Variants in ALK observed in about 807,000 individuals in gnomAD.
ALK encodes ALK tyrosine kinase receptor.
In ALK, 74 loss-of-function variants were observed where a neutral mutation model predicts 163.1. That is an observed-to-expected ratio of 0.45 (90% CI 0.38 to 0.55). The LOEUF is 0.55. Among genes scored for constraint, ALK ranks in the 20% least tolerant of loss-of-function variants. ALK has a pLI of 0.00. For missense variants in ALK, 2,063 were observed against 2,105.3 expected, an observed-to-expected ratio of 0.98 and a Z score of 0.39; for synonymous variants, 960 against 843.2, an observed-to-expected ratio of 1.14 and a Z score of -2.40.
At chr2:29,393,755 C>A (rs1669237688) in intron 4 of ALK, among the ~76,000 whole-genome samples, 1 of 152,206 alleles carries the variant, frequency 6.6e-6, no homozygotes, top group East Asian at 1.9e-4. Flanking sequence ...AGTGACACAT[C>A]TTTCTGCCCC....
chr2:29,786,633 C>A (rs1365372949), intron 1 of ALK, among the ~76,000 whole-genome samples: 1 of 152,152 alleles, frequency 6.6e-6, no homozygotes, highest in African/African-American at 2.4e-5. Flanking sequence ...ATAATGTAGT[C>A]CCCGACTGTA....
intron 4 of ALK, among the ~76,000 whole-genome samples, chr2:29,464,614 C>T (rs1211053061): frequency 6.6e-6 from 1 of 152,060 alleles, no homozygotes; most frequent in East Asian, 1.9e-4. Flanking sequence ...CCGGATGGGA[C>T]TAAAAGCAGA....
Position 29,921,439 on chromosome 2 carries a change from TC to T in ALK, c.-781del, listed in dbSNP as rs1668002447. 2.2e-5 allele frequency: 5 copies of T among 232,156 alleles called. No homozygotes were observed. The East Asian group carries it at 3.0e-4, about 14-fold the overall frequency. 14.4% of individuals were successfully genotyped at this position (232,156 alleles called of 1,614,324 possible). A position where few individuals can be genotyped will look rare whatever the true frequency, so the allele number is the denominator to read the frequency against. On this transcript the variant is annotated 5_prime_UTR_variant, in exon 1 of 29. An upstream open reading frame in the 5' UTR loses its in-frame stop. Coordinates refer to ENST00000389048, the MANE Select transcript of ALK (RefSeq NM_004304.5). ...CGCCCGAAATCTTGCCGCCCCCTCC[TC>T]ACCCATCATCAGCGCCCGCGGCTTT...
chr2:29,746,118 C>G (rs1199974790), intron 1 of ALK, among the ~76,000 whole-genome samples: 1 of 152,152 alleles, frequency 6.6e-6, no homozygotes, highest in Admixed American at 6.5e-5. Flanking sequence ...AACTGAGGTT[C>G]AGAGAAGATA....
intron 4 of ALK, among the ~76,000 whole-genome samples, chr2:29,463,399 C>T (rs909043812): frequency 1.7e-4 from 26 of 152,102 alleles, no homozygotes; most frequent in Non-Finnish European, 2.9e-5. Flanking sequence ...AAAGTCTGTT[C>T]TTTGGTTTAT....
At chr2:29,849,445 C>T (rs575677825) in intron 1 of ALK, among the ~76,000 whole-genome samples, 2 of 152,310 alleles carry the variant, frequency 1.3e-5, no homozygotes, top group South Asian at 4.1e-4. Flanking sequence ...GCGGAACATG[C>T]TGAGATGGTG....
intron 1 of ALK, among the ~76,000 whole-genome samples, chr2:29,842,172 T>C (rs1209115603): frequency 2.0e-5 from 3 of 152,070 alleles, no homozygotes; most frequent in African/African-American, 7.2e-5. Flanking sequence ...TGTAGTGTGA[T>C]AGGTTAAATA....
At chr2:29,372,162 C>CA (rs1459091796) in intron 5 of ALK, among the ~76,000 whole-genome samples, 2 of 152,202 alleles carry the variant, frequency 1.3e-5, no homozygotes, top group Admixed American at 1.3e-4. Flanking sequence ...CCTGCAGGTG[C>CA]AAACATCTAA....
chr2:29,612,235 C>T (rs1270649181), intron 3 of ALK, among the ~76,000 whole-genome samples: 1 of 152,168 alleles, frequency 6.6e-6, no homozygotes, highest in Non-Finnish European at 1.5e-5. Flanking sequence ...AATAGCATCT[C>T]TGATTTTGAA....
intron 4 of ALK, among the ~76,000 whole-genome samples, chr2:29,507,246 A>C (rs867051174): frequency 2.0e-5 from 3 of 152,252 alleles, no homozygotes; most frequent in African/African-American, 7.2e-5. Context: ...AACCTTGAGC[A>C]CATTATGCTA....
At chr2:29,645,936 T>C (rs745355242) in intron 3 of ALK, among the ~76,000 whole-genome samples, 1 of 152,184 alleles carries the variant, frequency 6.6e-6, no homozygotes, top group Non-Finnish European at 1.5e-5. Flanking sequence ...TACTCTTTCT[T>C]AGCTACAGTC....
intron 8 of ALK, among the ~76,000 whole-genome samples, chr2:29,298,343 C>A (rs1666262431): frequency 6.6e-6 from 1 of 152,088 alleles, no homozygotes; most frequent in Non-Finnish European, 1.5e-5. Flanking sequence ...TTTTTTCTGG[C>A]CTCACTTAGC....
chr2:29,194,609 C>G (rs532311559), intron 28 of ALK, among the ~76,000 whole-genome samples: 1 of 152,046 alleles, frequency 6.6e-6, no homozygotes, highest in Admixed American at 6.5e-5. Context: ...AAGCCATTCT[C>G]GTGCCTCAGC....
Position 29,344,699 on chromosome 2 carries a change from T to C in ALK, c.1283-16218A>G, listed in dbSNP as rs183829570. Among the ~76,000 whole-genome samples, 441 of 152,282 alleles carry C rather than the reference T, an allele frequency of 2.9e-3. 2 individuals are homozygous for C. Among genetic ancestry groups the C allele is most frequent in the African/African-American group, 0.01 (420 of 41,562 alleles). On this transcript the variant is annotated intron_variant, in intron 5 of 28. Transcript: ENST00000389048. ...CACACAATTGTGAAAAATGATAAAA[T>C]GGTTGTTGTTTTTGCTACTATGCTC...
At chr2:29,736,319 T>G (rs1015419381) in intron 1 of ALK, among the ~76,000 whole-genome samples, 8 of 152,090 alleles carry the variant, frequency 5.3e-5, no homozygotes, top group Non-Finnish European at 8.8e-5. Flanking sequence ...GGTCTGGTTA[T>G]GAGTCATTTA....
At chr2:29,859,543 T>G (rs181816456) in intron 1 of ALK, among the ~76,000 whole-genome samples, 1 of 151,992 alleles carries the variant, frequency 6.6e-6, no homozygotes, top group Admixed American at 6.5e-5. Context: ...AGAAGTATAG[T>G]GAGTGGGCCA....
At chr2:29,609,912 G>A (rs1675644563) in intron 3 of ALK, among the ~76,000 whole-genome samples, 1 of 152,120 alleles carries the variant, frequency 6.6e-6, no homozygotes, top group South Asian at 2.1e-4. Context: ...CAAGTGCTGG[G>A]ATTATGAGCA....
rs963492162 is a variant in ALK at position 29,885,256 on chromosome 2, C to T, written c.667+34737G>A. ...GGCACTGAAGTATTCTACTTGCCTCCAAACACAATGTCTGTAGTTCAGCCT... is the reference window on the plus strand; with the variant it reads ...GGCACTGAAGTATTCTACTTGCCTCTAAACACAATGTCTGTAGTTCAGCCT... On this transcript the variant is annotated intron_variant, in intron 1 of 28. Coordinates refer to ENST00000389048, the MANE Select transcript of ALK (RefSeq NM_004304.5). 2.0e-5 allele frequency among the ~76,000 whole-genome samples: 3 copies of T among 152,278 alleles called. No homozygotes were observed. The South Asian group carries it at 6.2e-4, about 32-fold the overall frequency.
chr2:29,422,514 G>T (rs1178483718), intron 4 of ALK, among the ~76,000 whole-genome samples: 2 of 152,206 alleles, frequency 1.3e-5, no homozygotes, highest in East Asian at 3.9e-4. Flanking sequence ...CAACAATGAG[G>T]AGTGCCTTGG....
Sources: gnomAD v4.1 joint callset for allele counts (sites outside exome capture counted in the v4.1 genomes callset) on GRCh38, gnomAD v4.1.1 for gene constraint, MANE v1.5 for transcripts, NCBI Gene and HGNC (gene_info 2026-07-23, HGNC 2026-07-21) for gene names.